The following AOAH variants were observed in gnomAD, a reference collection of about 807,000 sequenced individuals.
AOAH encodes acyloxyacyl hydrolase (neutrophil).
In AOAH, 64 loss-of-function variants were observed where a neutral mutation model predicts 92.2. That is an observed-to-expected ratio of 0.69 (90% CI 0.57 to 0.86). AOAH has a LOEUF of 0.86. Ranked by LOEUF, AOAH falls within the 40% of genes least tolerant of loss-of-function variation. The probability of loss-of-function intolerance (pLI) is 0.00; values close to 1 mark genes in which losing one functional copy is unlikely to be tolerated. For synonymous variants in AOAH, 263 were observed against 254.5 expected (o/e 1.03, Z -0.32); for missense variants, 656 against 694.6 (o/e 0.94, Z 0.62).
chr7:36,649,998 A>T (rs1479847059), intron 4 of AOAH, among the ~76,000 whole-genome samples: 1 of 152,144 alleles, frequency 6.6e-6, no homozygotes, highest in African/African-American at 2.4e-5. Context: ...ATAGAGCTAT[A>T]ACACTCACTG....
chr7:36,658,406 C>T (rs1379675502), intron 4 of AOAH, among the ~76,000 whole-genome samples: 2 of 152,116 alleles, frequency 1.3e-5, no homozygotes, highest in Non-Finnish European at 2.9e-5. Context: ...TCACGGGCAG[C>T]TCCTGAAAAT....
In AOAH at chr7:36,516,008, C is replaced by A. The variant is rs1276024251; in HGVS notation, c.1600-2628G>T. ...CACATCACGCATACATACACCACAC[C>A]CCTCACAACCCCACACAACACATAA... On this transcript the variant is annotated intron_variant, in intron 20 of 20. Coordinates refer to ENST00000617537, the MANE Select transcript of AOAH (RefSeq NM_001637.4). The surrounding 1 kb of genome is among the most constrained non-coding windows in gnomAD (Gnocchi z 5.0). 6.7e-6 allele frequency among the ~76,000 whole-genome samples: 1 copy of A among 148,482 alleles called. No individual in the cohort carries two copies. The highest frequency in any genetic ancestry group is 2.2e-4 in the South Asian group (1 of 4,568).
intron 1 of AOAH, among the ~76,000 whole-genome samples, chr7:36,695,657 G>C (rs1294777187): frequency 1.3e-5 from 2 of 152,092 alleles, no homozygotes; most frequent in Non-Finnish European, 2.9e-5. Context: ...TATTAAAACA[G>C]CATCCTTCCA....
intron 2 of AOAH, among the ~76,000 whole-genome samples, chr7:36,681,714 T>C (rs912884682): frequency 2.6e-5 from 4 of 151,946 alleles, no homozygotes; most frequent in African/African-American, 9.7e-5. Flanking sequence ...GGCAGGAGAA[T>C]CGCTTGAACC....
chr7:36,666,986 T>C (rs1169517106), intron 3 of AOAH, among the ~76,000 whole-genome samples: 1 of 152,242 alleles, frequency 6.6e-6, no homozygotes, highest in African/African-American at 2.4e-5. Context: ...GAATGTAATG[T>C]ATCTTGGTGA....
At chr7:36,639,475 G>C (rs1156677751) in intron 4 of AOAH, among the ~76,000 whole-genome samples, 1 of 152,140 alleles carries the variant, frequency 6.6e-6, no homozygotes, top group South Asian at 2.1e-4. Context: ...GGCATAGTAG[G>C]TGCTCAGTAA....
Position 36,530,497 on chromosome 7 carries a change from G to A in AOAH, c.1443C>T (p.Ser481=). The A allele has an allele frequency of 1.2e-6, 2 of 1,612,716 alleles. No individual in the cohort carries two copies. Among genetic ancestry groups the A allele is most frequent in the Non-Finnish European group, 1.7e-6 (2 of 1,178,770 alleles). The part of the protein sequence containing the change: ...TLTSERAEQL[S]NTLKKIAASE... Reference sequence around the variant, plus strand: ...TGGCTGCAATTTTTTTCAGTGTGTTGGAGAGTTGCTCTGCTCTCTGAAGAG... The same window carrying A: ...TGGCTGCAATTTTTTTCAGTGTGTTAGAGAGTTGCTCTGCTCTCTGAAGAG... Residue 481 remains serine (S), a synonymous_variant, in exon 19 of 21, where the codon TCC becomes TCT. Transcript: ENST00000617537.
At chr7:36,567,154 C>T (rs958620143) in intron 13 of AOAH, among the ~76,000 whole-genome samples, 3 of 152,154 alleles carry the variant, frequency 2.0e-5, no homozygotes, top group African/African-American at 4.8e-5. Flanking sequence ...TGCTCTAAAA[C>T]GTGTCTCTTT....
intron 12 of AOAH, among the ~76,000 whole-genome samples, chr7:36,581,804 A>G (rs1788948254): frequency 6.6e-6 from 1 of 152,212 alleles, no homozygotes; most frequent in Admixed American, 6.5e-5. Context: ...TTCTGACTAG[A>G]AATAGCATCT....
chr7:36,611,028 G>A (rs1463537389), intron 11 of AOAH, among the ~76,000 whole-genome samples: 2 of 152,090 alleles, frequency 1.3e-5, no homozygotes, highest in Non-Finnish European at 2.9e-5. Flanking sequence ...AGTGGTTGGT[G>A]GTTATTATTT....
In AOAH at chr7:36,724,184, T is replaced by G; in HGVS notation, c.-36A>C. ...TGCACCCCAAGTGATCACCCGGCTT[T>G]GGAAGCTCCCAACTGAGGGATGCTG... On this transcript the variant is annotated 5_prime_UTR_variant, in exon 1 of 21. Coordinates refer to ENST00000617537, the MANE Select transcript of AOAH (RefSeq NM_001637.4). The G allele has an allele frequency of 1.2e-6, 2 of 1,608,568 alleles. No individual in the cohort carries two copies. Among genetic ancestry groups the G allele is most frequent in the African/African-American group, 1.3e-5 (1 of 74,834 alleles).
At chr7:36,706,148 C>G (rs1218661746) in intron 1 of AOAH, among the ~76,000 whole-genome samples, 1 of 152,168 alleles carries the variant, frequency 6.6e-6, no homozygotes, top group Non-Finnish European at 1.5e-5. Context: ...AAAACTGACA[C>G]TTGGGAGCTA....
intron 2 of AOAH, among the ~76,000 whole-genome samples, chr7:36,678,608 C>CGCGCGT (rs143971037): frequency 1.9e-4 from 22 of 118,566 alleles, no homozygotes; most frequent in African/African-American, 6.0e-4. Flanking sequence ...TGTGCGCGCG[C>CGCGCGT]GCGCGCGTTA....
chr7:36,616,292 G>T (rs1791873804), intron 11 of AOAH, 88 bp downstream of exon 11: 1 of 1,042,348 alleles, frequency 9.6e-7, no homozygotes, highest in Non-Finnish European at 1.5e-6. Flanking sequence ...TTGCACCTGT[G>T]TGGAGTTGGC....
chr7:36,651,734 G>A (rs1366861224), intron 4 of AOAH, among the ~76,000 whole-genome samples: 6 of 152,160 alleles, frequency 3.9e-5, no homozygotes, highest in African/African-American at 1.4e-4. Flanking sequence ...CCTGGGTTGA[G>A]TTCAGATTCC....
At position 36,594,196 on chromosome 7, in the gene AOAH, C is replaced by A. The variant is rs115296825; in HGVS notation, c.938+143G>T. 1,110 of 691,128 alleles carry A rather than the reference C, an allele frequency of 1.6e-3. 15 individuals carry two copies. The African/African-American group carries it at 0.018, about 11-fold the overall frequency. The allele number at this position is 691,128 out of a possible 1,614,324, so 42.8% of individuals were successfully genotyped here. A position where few individuals can be genotyped will look rare whatever the true frequency, so the allele number is the denominator to read the frequency against. On this transcript the variant is annotated intron_variant, in intron 12 of 20. Coordinates refer to ENST00000617537, the MANE Select transcript of AOAH (RefSeq NM_001637.4). ...AAAATACAATTTGCATTACATCCTACTGTATGGTGGATGAACTCAAATTCA... is the reference window on the plus strand; with the variant it reads ...AAAATACAATTTGCATTACATCCTAATGTATGGTGGATGAACTCAAATTCA...
Position 36,689,412 on chromosome 7 carries a change from C to T in AOAH, c.128-2618G>A, listed in dbSNP as rs188410136. Among the ~76,000 whole-genome samples the T allele has an allele frequency of 3.0e-3, 451 of 152,200 alleles. 2 individuals are homozygous for T. Among genetic ancestry groups the T allele is most frequent in the Middle Eastern group, 6.8e-3 (2 of 294 alleles). ...GAGGCTGGGAAATTTAAAATCAAGGCGCCAGCTGATTTGGTGTCTGGTGAG... is the reference window on the plus strand; with the variant it reads ...GAGGCTGGGAAATTTAAAATCAAGGTGCCAGCTGATTTGGTGTCTGGTGAG... On this transcript the variant is annotated intron_variant, in intron 1 of 20. Transcript: ENST00000617537.
intron 1 of AOAH, among the ~76,000 whole-genome samples, chr7:36,695,787 G>A (rs542378201): frequency 2.0e-5 from 3 of 152,232 alleles, no homozygotes; most frequent in East Asian, 3.9e-4. Context: ...GATGCTTTCC[G>A]GAGAGCAAAG....
chr7:36,671,631 CTG>C (rs1178576416), intron 3 of AOAH, among the ~76,000 whole-genome samples: 1 of 145,656 alleles, frequency 6.9e-6, no homozygotes, highest in East Asian at 2.0e-4. Context: ...GTGTGTGCAT[CTG>C]TGTGTGTGCA....
Sources: allele counts gnomAD v4.1 joint callset (sites outside exome capture counted in the v4.1 genomes callset), GRCh38; gene constraint gnomAD v4.1.1; non-coding constraint Gnocchi (gnomAD v3.1); transcripts MANE v1.5; gene names NCBI Gene and HGNC (gene_info 2026-07-23, HGNC 2026-07-21).